PINX1: variants seen among roughly 807,000 people sequenced by gnomAD.
PINX1 encodes PIN2 (TERF1) interacting telomerase inhibitor 1.
PINX1 carries 34 observed loss-of-function variants against 25.4 expected under a neutral mutation model. That is an observed-to-expected ratio of 1.34 (90% confidence interval 1.02 to 1.78). The LOEUF (loss-of-function observed/expected upper bound fraction) is 1.78. Ranked by LOEUF, PINX1 falls within the 40% of genes most tolerant of loss-of-function variation. The pLI is 0.00. For missense variants in PINX1, 592 were observed against 404.9 expected (o/e 1.46, Z -3.97); for synonymous variants, 197 against 147.7 (o/e 1.33, Z -2.42).
At chr8:10,818,812 C>T (rs1797778797) in intron 6 of PINX1, among the ~76,000 whole-genome samples, 1 of 152,124 alleles carries the variant, frequency 6.6e-6, no homozygotes, top group African/African-American at 2.4e-5. Flanking sequence ...GACTGGAATT[C>T]TAGTTCTTCC....
chr8:10,770,640 G>T (rs10503412), intron 6 of PINX1, among the ~76,000 whole-genome samples: 20,496 of 152,164 alleles, frequency 0.13, 2,273 homozygotes, highest in African/African-American at 0.3. Flanking sequence ...TTAGTACAAT[G>T]CCCAAATAGA....
chr8:10,765,795 G>A lies in PINX1; in HGVS notation c.593C>T (p.Pro198Leu). ...ALKNKPQVPV[P>L]GSDISETQVE... ...CTGCGTCTCAGAAATGTCAGACCCT[G>A]GAACTGGAACCTGGGGCTTGTTCTT... The change falls in exon 7 of 7, where the codon CCA (proline) becomes CTA (leucine). Residue 198 changes from proline (P) to leucine (L), a missense_variant. Pro to Leu is a moderately conservative substitution (Grantham distance 98). Coordinates refer to ENST00000314787, the MANE Select transcript of PINX1 (RefSeq NM_017884.6). The A allele has an allele frequency of 1.9e-6, 3 of 1,613,904 alleles. No individual in the cohort carries two copies. Among genetic ancestry groups the A allele is most frequent in the South Asian group, 1.1e-5 (1 of 91,078 alleles).
chr8:10,827,910 C>CAAA (rs35913986), intron 4 of PINX1, among the ~76,000 whole-genome samples: 7 of 82,282 alleles, frequency 8.5e-5, no homozygotes, highest in South Asian at 4.4e-4. Flanking sequence ...GACTCCATCT[C>CAAA]AAAAAAAAAA....
At chr8:10,806,389 GCAAA>G (rs1360760308) in intron 6 of PINX1, among the ~76,000 whole-genome samples, 1 of 151,302 alleles carries the variant, frequency 6.6e-6, no homozygotes, top group African/African-American at 2.4e-5. Flanking sequence ...AATCTGAGGA[GCAAA>G]CAGAGTAAGT....
intron 5 of PINX1, chr8:10,822,199 G>A (rs574453362): frequency 6.6e-6 from 1 of 152,218 alleles, no homozygotes; most frequent in South Asian, 2.1e-4. Context: ...GGACAAAAAG[G>A]TGAAGATGGA....
intron 4 of PINX1, among the ~76,000 whole-genome samples, chr8:10,827,963 G>C (rs970014918): frequency 6.8e-6 from 1 of 146,868 alleles, no homozygotes; most frequent in Non-Finnish European, 1.5e-5. Flanking sequence ...GAGGATATAA[G>C]AGAAATTGGA....
At chr8:10,779,286 A>C (rs1016022496) in intron 6 of PINX1, among the ~76,000 whole-genome samples, 1 of 152,244 alleles carries the variant, frequency 6.6e-6, no homozygotes, top group African/African-American at 2.4e-5. Flanking sequence ...CCACAGAACC[A>C]AGAATAAATG....
intron 1 of PINX1, among the ~76,000 whole-genome samples, chr8:10,836,363 C>A (rs759275473): frequency 3.9e-5 from 6 of 152,174 alleles, no homozygotes; most frequent in Non-Finnish European, 5.9e-5. Flanking sequence ...CATAACACTG[C>A]GTCTGCTAAT....
At chr8:10,793,343 C>T (rs952175312) in intron 6 of PINX1, among the ~76,000 whole-genome samples, 3 of 152,178 alleles carry the variant, frequency 2.0e-5, no homozygotes, top group African/African-American at 7.2e-5. Flanking sequence ...ATGTTTTCAC[C>T]TAGACCAGGG....
At position 10,765,212 on chromosome 8, in the gene PINX1, A is replaced by G; in HGVS notation, c.*189T>C. Reference sequence around the variant, plus strand: ...TCTGAGAGCCACGATTGAGAACATTAAAAAGGTCCTCCTGGGAATGTAACT... The same window carrying G: ...TCTGAGAGCCACGATTGAGAACATTGAAAAGGTCCTCCTGGGAATGTAACT... On this transcript the variant is annotated 3_prime_UTR_variant, in exon 7 of 7. Coordinates refer to ENST00000314787, the MANE Select transcript of PINX1 (RefSeq NM_017884.6). The G allele has an allele frequency of 3.5e-6, 2 of 564,348 alleles. No individual in the cohort carries two copies. The highest frequency in any genetic ancestry group is 6.1e-6 in the Non-Finnish European group (2 of 325,996). 35.0% of individuals were successfully genotyped at this position (564,348 alleles called of 1,614,324 possible). A position where few individuals can be genotyped will look rare whatever the true frequency, so the allele number is the denominator to read the frequency against.
rs148357250 is a variant in PINX1 at position 10,834,817 on chromosome 8, C to T, written c.20-42G>A. 6.5e-5 allele frequency: 90 copies of T among 1,392,054 alleles called. 1 individual carries two copies. The East Asian group carries it at 2.0e-3, about 31-fold the overall frequency. 86.2% of individuals were successfully genotyped at this position (1,392,054 alleles called of 1,614,324 possible). A position where few individuals can be genotyped will look rare whatever the true frequency, so the allele number is the denominator to read the frequency against. ...ATTATCATCAGCAATGGAGATGATA[C>T]CCGGAAAATACCACACAAACATACA... On this transcript the variant is annotated intron_variant, in intron 1 of 6. Transcript: ENST00000314787.
intron 4 of PINX1, among the ~76,000 whole-genome samples, chr8:10,827,461 G>C (rs1024710425): frequency 6.6e-6 from 1 of 152,080 alleles, no homozygotes; most frequent in African/African-American, 2.4e-5. Context: ...TGGGGTTAGA[G>C]TCAATTATAA....
intron 4 of PINX1, among the ~76,000 whole-genome samples, chr8:10,831,418 A>C (rs1447226771): frequency 2.6e-5 from 4 of 152,208 alleles, no homozygotes; most frequent in Non-Finnish European, 5.9e-5. Flanking sequence ...TTATATTTTC[A>C]AATAGCTAGA....
chr8:10,784,885 G>C (rs1243941124), intron 6 of PINX1, among the ~76,000 whole-genome samples: 1 of 152,206 alleles, frequency 6.6e-6, no homozygotes, highest in Non-Finnish European at 1.5e-5. Context: ...AAAGACTAAA[G>C]CATTTCAGCC....
intron 6 of PINX1, among the ~76,000 whole-genome samples, chr8:10,794,847 T>C (rs577565484): frequency 2.6e-5 from 4 of 152,298 alleles, no homozygotes; most frequent in African/African-American, 4.8e-5. Context: ...GTGACATCAA[T>C]ATAACAAGTG....
At chr8:10,836,425 GC>G (rs1432146667) in intron 1 of PINX1, among the ~76,000 whole-genome samples, 7 of 152,184 alleles carry the variant, frequency 4.6e-5, no homozygotes, top group Non-Finnish European at 8.8e-5. Context: ...ATGCAAGCTG[GC>G]ATCAGTGTGT....
intron 1 of PINX1, among the ~76,000 whole-genome samples, chr8:10,837,771 G>A (rs1396210439): frequency 1.3e-5 from 2 of 152,318 alleles, no homozygotes; most frequent in Admixed American, 1.3e-4. Context: ...TAAAGGGCGT[G>A]TTGAGTCCCA....
intron 6 of PINX1, among the ~76,000 whole-genome samples, chr8:10,766,468 C>G (rs1801050834): frequency 6.6e-6 from 1 of 152,208 alleles, no homozygotes; most frequent in African/African-American, 2.4e-5. Flanking sequence ...CAGGGGCACC[C>G]TTTCTCCCCC....
Position 10,832,982 on chromosome 8 carries a change from A to C in PINX1, c.132T>G (p.Gly44=), listed in dbSNP as rs376624915. The C allele has an allele frequency of 8.8e-5, 141 of 1,600,000 alleles. 1 individual carries two copies. The highest frequency in any genetic ancestry group is 7.6e-4 in the East Asian group (34 of 44,732). The change falls in exon 3 of 7, where the codon GGT becomes GGG. Residue 44 remains glycine, a splice_region_variant and synonymous_variant. Transcript: ENST00000314787. The part of the protein sequence containing the change: ...LEKMGWSKGK[G]LGAQEQGATD... ...TGGCTCCTTGCTCCTGAGCCCCTAA[A>C]CCCTGTGGAGATTAAACACAGAGAG...
Sources: allele counts gnomAD v4.1 joint callset (sites outside exome capture counted in the v4.1 genomes callset), GRCh38; gene constraint gnomAD v4.1.1; transcripts MANE v1.5; gene names NCBI Gene and HGNC (gene_info 2026-07-23, HGNC 2026-07-21).